Variants in PPP4R4 observed in about 807,000 individuals in gnomAD.
PPP4R4 encodes the protein serine/threonine-protein phosphatase 4 regulatory subunit 4.
PPP4R4 carries 70 observed loss-of-function variants against 121.8 expected under a neutral mutation model. The ratio of observed to expected loss-of-function variants is 0.57; its 90% CI spans 0.47 to 0.70. The LOEUF is 0.70. PPP4R4 is among the 30% of genes least tolerant of loss of function. The pLI is 0.00. For missense variants in PPP4R4, 875 were observed against 1,033.6 expected (o/e 0.85, Z 2.10); for synonymous variants, 348 against 355.7 (o/e 0.98, Z 0.24).
chr14:94,255,044 C>T (rs200650786), intron 16 of PPP4R4, among the ~76,000 whole-genome samples: 2 of 152,316 alleles, frequency 1.3e-5, no homozygotes, highest in East Asian at 3.9e-4. Context: ...CACTCTATCT[C>T]CAGCATTGAC....
At chr14:94,223,539 C>G (rs1454124531) in intron 3 of PPP4R4, among the ~76,000 whole-genome samples, 1 of 152,152 alleles carries the variant, frequency 6.6e-6, no homozygotes, top group Non-Finnish European at 1.5e-5. Flanking sequence ...CCCTCAAGAC[C>G]CTCTTCTAGA....
chr14:94,206,741 G>A (rs117151820), intron 2 of PPP4R4, among the ~76,000 whole-genome samples: 1,802 of 152,038 alleles, frequency 0.012, 15 homozygotes, highest in Non-Finnish European at 0.016. Flanking sequence ...GCCAGGCATT[G>A]TCATTTTCTT....
chr14:94,247,406 C>T lies in PPP4R4; in HGVS notation c.1611+867C>T, dbSNP rs74074161. ...TGCATGTGCCTACCTGGTTGTATAC[C>T]AGTTGTACCACTGCCCTGCCCAGGG... On this transcript the variant is annotated intron_variant, in intron 14 of 24. Coordinates refer to ENST00000304338, the MANE Select transcript of PPP4R4 (RefSeq NM_058237.2). Among the ~76,000 whole-genome samples the T allele has an allele frequency of 3.0e-3, 464 of 152,320 alleles. 2 individuals carry two copies. Among genetic ancestry groups the T allele is most frequent in the African/African-American group, 0.011 (449 of 41,566 alleles).
Position 94,264,750 on chromosome 14 carries a change from TG to T in PPP4R4, c.2128-126del, listed in dbSNP as rs1893949718. On this transcript the variant is annotated intron_variant, in intron 19 of 24. Transcript: ENST00000304338. ...CCCTGAATTCTTTAGACACTAACAT[TG>T]GAAAAAAATACTTCTTTTAGGCATT... 19 of 718,608 alleles carry T rather than the reference TG, an allele frequency of 2.6e-5. No individual in the cohort carries two copies. The South Asian group carries it at 3.2e-4, about 12-fold the overall frequency. The allele number at this position is 718,608 out of a possible 1,614,324, so 44.5% of individuals were successfully genotyped here.
chr14:94,259,709 G>A (rs561304580), intron 19 of PPP4R4, among the ~76,000 whole-genome samples: 2 of 152,172 alleles, frequency 1.3e-5, no homozygotes, highest in South Asian at 4.1e-4. Flanking sequence ...TGTAATCCAT[G>A]TCTTCTACTC....
chr14:94,275,132 A>T (rs1894562878), intron 23 of PPP4R4, among the ~76,000 whole-genome samples: 2 of 152,132 alleles, frequency 1.3e-5, no homozygotes, highest in South Asian at 4.2e-4. Context: ...GAGGATTGTG[A>T]TGGGGTATGA....
At chr14:94,236,031 T>C (rs1255594787) in intron 7 of PPP4R4, among the ~76,000 whole-genome samples, 3 of 152,158 alleles carry the variant, frequency 2.0e-5, no homozygotes, top group East Asian at 1.9e-4. Flanking sequence ...GGCTTTTGAA[T>C]GTCACACAGG....
intron 24 of PPP4R4, among the ~76,000 whole-genome samples, chr14:94,278,305 G>T (rs2139679477): frequency 6.6e-6 from 1 of 152,172 alleles, no homozygotes; most frequent in South Asian, 2.1e-4. Context: ...TTATGCCTAT[G>T]TAACTTCCAT....
At chr14:94,257,010 G>T (rs1893510449) in intron 17 of PPP4R4, among the ~76,000 whole-genome samples, 1 of 151,930 alleles carries the variant, frequency 6.6e-6, no homozygotes, top group Non-Finnish European at 1.5e-5. Context: ...TTAATTCAGG[G>T]GTCTGTTTGA....
At position 94,245,622 on chromosome 14, in the gene PPP4R4, C is replaced by A. The variant is rs1566686435; in HGVS notation, c.1380C>A (p.Ile460=). The A allele has an allele frequency of 6.3e-7, 1 of 1,598,570 alleles. No individual in the cohort carries two copies. Among genetic ancestry groups the A allele is most frequent in the Non-Finnish European group, 8.6e-7 (1 of 1,168,312 alleles). Residue 460 remains isoleucine, a synonymous_variant, in exon 13 of 25, where the codon ATC becomes ATA. Transcript: ENST00000304338. ...LDALIDHLPE[I]LELMSTGGES... is the part of the protein sequence containing the mutation. ...CTCTTATAGATCATCTTCCAGAAAT[C>A]TTGGAACTTATGTCTACTGGTGGAG...
At chr14:94,233,070 A>AAT (rs1203364000) in intron 5 of PPP4R4, among the ~76,000 whole-genome samples, 1 of 151,334 alleles carries the variant, frequency 6.6e-6, no homozygotes, top group Non-Finnish European at 1.5e-5. Flanking sequence ...AAAAAAAAAA[A>AAT]GAGAAATAGC....
At chr14:94,208,300 GTTTTAA>G (rs143681375) in intron 2 of PPP4R4, among the ~76,000 whole-genome samples, 158 bp from the exon 3 acceptor site, 3,707 of 152,024 alleles carry the variant, frequency 0.024, 90 homozygotes, top group Admixed American at 0.047. Context: ...TTCAGTTTTG[GTTTTAA>G]TTTTATATCT....
intron 8 of PPP4R4, among the ~76,000 whole-genome samples, chr14:94,240,471 C>T (rs1174955811): frequency 1.3e-5 from 2 of 152,042 alleles, no homozygotes; most frequent in Admixed American, 1.3e-4. Flanking sequence ...CTTAACCTGA[C>T]ATTAAAGTTT....
At chr14:94,261,655 A>C (rs1302376208) in intron 19 of PPP4R4, among the ~76,000 whole-genome samples, 1 of 151,900 alleles carries the variant, frequency 6.6e-6, no homozygotes, top group East Asian at 1.9e-4. Context: ...TCTTAGGGGG[A>C]AACAGTTCAG....
intron 23 of PPP4R4, among the ~76,000 whole-genome samples, chr14:94,274,712 C>T (rs144882509): frequency 2.8e-3 from 433 of 152,268 alleles, no homozygotes; most frequent in Non-Finnish European, 5.3e-3. Context: ...AAAAGAAATT[C>T]TGCACATCAA....
chr14:94,174,366 A>C lies in PPP4R4; in HGVS notation c.-100A>C, dbSNP rs2139359402. ...AGCCTCACGCTCGGCTCCAGCGGCC[A>C]AGAGCCGGAGAAAGTCCTGCTGGTG... On this transcript the variant is annotated 5_prime_UTR_variant, in exon 1 of 25. Coordinates refer to ENST00000304338, the MANE Select transcript of PPP4R4 (RefSeq NM_058237.2). The C allele has an allele frequency of 9.1e-7, 1 of 1,100,964 alleles. No individual in the cohort carries two copies. Among genetic ancestry groups the C allele is most frequent in the East Asian group, 3.4e-5 (1 of 29,590 alleles). 68.2% of individuals were successfully genotyped at this position (1,100,964 alleles called of 1,614,324 possible).
chr14:94,196,844 G>A (rs1003917931), intron 2 of PPP4R4, among the ~76,000 whole-genome samples: 1 of 152,056 alleles, frequency 6.6e-6, no homozygotes, highest in Non-Finnish European at 1.5e-5. Context: ...GAAATAGTAG[G>A]TTATAGTTAC....
At chr14:94,242,180 T>C (rs1193781196) in intron 10 of PPP4R4, 109 bp from the exon 11 acceptor site, 56 of 1,359,202 alleles carry the variant, frequency 4.1e-5, no homozygotes, top group Non-Finnish European at 5.1e-6. Context: ...TTAGTTAAAT[T>C]ACAATTCAGA....
chr14:94,185,587 T>A lies in PPP4R4; in HGVS notation c.191+9460T>A, dbSNP rs1333712825. Among the ~76,000 whole-genome samples the A allele has an allele frequency of 2.0e-5, 3 of 152,308 alleles. No homozygotes were observed. In the East Asian group the frequency reaches 5.8e-4, roughly 29 times the overall value. ...GAGAAGATGAGAGGAAATGTATGTATAGGGCACAGTGCTTGGTACAGGGTA... is the reference window on the plus strand; with the variant it reads ...GAGAAGATGAGAGGAAATGTATGTAAAGGGCACAGTGCTTGGTACAGGGTA... On this transcript the variant is annotated intron_variant, in intron 2 of 24. Transcript: ENST00000304338.
Sources: allele counts gnomAD v4.1 joint callset (sites outside exome capture counted in the v4.1 genomes callset), GRCh38; gene constraint gnomAD v4.1.1; transcripts MANE v1.5; gene names NCBI Gene and HGNC (gene_info 2026-07-23, HGNC 2026-07-21).